Variants in APP observed in about 807,000 individuals in gnomAD.
APP encodes amyloid-beta precursor protein.
Under a neutral mutation model 101.4 loss-of-function variants are expected in APP, and 31 were observed. That is an observed-to-expected ratio of 0.31 (90% confidence interval 0.23 to 0.41). The LOEUF is 0.41. APP is among the 10% of genes least tolerant of loss of function. The pLI is 1.00. For missense variants in APP, 839 were observed against 1,003.7 expected, an observed-to-expected ratio of 0.84 and a Z score of 2.22; for synonymous variants, 366 against 364.4, an observed-to-expected ratio of 1.00 and a Z score of -0.05.
At chr21:26,032,419 G>A (rs954097239) in intron 5 of APP, among the ~76,000 whole-genome samples, 5 of 152,130 alleles carry the variant, frequency 3.3e-5, no homozygotes, top group African/African-American at 1.2e-4. Flanking sequence ...TAGAGAGAAG[G>A]TCTAGTGTGG....
chr21:25,979,813 T>TA (rs56312835), intron 9 of APP, among the ~76,000 whole-genome samples: 19 of 151,380 alleles, frequency 1.3e-4, no homozygotes, highest in Admixed American at 2.0e-4. Flanking sequence ...AAACACACAT[T>TA]AAAAAAAATG....
At chr21:25,986,516 C>T (rs1446744320) in intron 8 of APP, among the ~76,000 whole-genome samples, 1 of 152,000 alleles carries the variant, frequency 6.6e-6, no homozygotes, top group African/African-American at 2.4e-5. Flanking sequence ...CATGGAGAAA[C>T]CCCGTCTCTA....
rs531247790 is a variant in APP at position 26,131,270 on chromosome 21, T to A, written c.58-19124A>T. On this transcript the variant is annotated intron_variant, in intron 1 of 17. Transcript: ENST00000346798. ...AAATAAATAAATTAATTAATTAATT[T>A]AAAAAAAAAGGTCTGTTGTCAATGA... Among the ~76,000 whole-genome samples the A allele has an allele frequency of 9.3e-5, 14 of 150,954 alleles. No individual in the cohort carries two copies. In the South Asian group the frequency reaches 2.5e-3, roughly 27 times the overall value.
At chr21:25,947,416 T>G (rs1165339102) in intron 13 of APP, among the ~76,000 whole-genome samples, 2 of 152,222 alleles carry the variant, frequency 1.3e-5, no homozygotes, top group Middle Eastern at 3.2e-3. Context: ...ATTTGTATCT[T>G]GCTGTGTGGA....
chr21:25,889,286 A>AGT (rs1304207535), intron 17 of APP, among the ~76,000 whole-genome samples: 4 of 152,186 alleles, frequency 2.6e-5, no homozygotes, highest in African/African-American at 9.7e-5. Flanking sequence ...AGAAAAACAG[A>AGT]GTGAAGGTCA....
At chr21:25,901,137 A>G (rs2038439537) in intron 15 of APP, among the ~76,000 whole-genome samples, 2 of 152,102 alleles carry the variant, frequency 1.3e-5, no homozygotes. Flanking sequence ...GTCTCTACTA[A>G]AAATACAAAA....
At chr21:26,146,098 C>A (rs1400816526) in intron 1 of APP, among the ~76,000 whole-genome samples, 1 of 152,194 alleles carries the variant, frequency 6.6e-6, no homozygotes, top group African/African-American at 2.4e-5. Flanking sequence ...GCGGCTCATG[C>A]CTGCAGTGGG....
chr21:26,020,121 C>G (rs1034575418), intron 6 of APP, among the ~76,000 whole-genome samples: 1 of 151,948 alleles, frequency 6.6e-6, no homozygotes, highest in African/African-American at 2.4e-5. Context: ...ATTTTAAAAG[C>G]TCAAGTTAAA....
intron 1 of APP, 30 bp from the exon 2 acceptor site, chr21:26,112,176 T>C (rs749729799): frequency 1.1e-5 from 17 of 1,610,368 alleles, no homozygotes; most frequent in African/African-American, 6.7e-5. Context: ...TTAGTTATAG[T>C]ATCCATAGCT....
intron 3 of APP, among the ~76,000 whole-genome samples, chr21:26,083,335 G>GTGA (rs1347530548): frequency 6.6e-6 from 1 of 152,210 alleles, no homozygotes; most frequent in African/African-American, 2.4e-5. Flanking sequence ...AGTGTCTGGT[G>GTGA]TGATGCTACA....
intron 1 of APP, among the ~76,000 whole-genome samples, chr21:26,133,561 G>A (rs1324465437): frequency 6.6e-6 from 1 of 151,986 alleles, no homozygotes; most frequent in Non-Finnish European, 1.5e-5. Context: ...CGAGGCGGGT[G>A]GGATCATGAG....
intron 1 of APP, among the ~76,000 whole-genome samples, chr21:26,166,906 A>AGAGAGAGAGAGAGAGAGAG (rs1569055925): frequency 2.6e-5 from 1 of 38,114 alleles, no homozygotes; most frequent in African/African-American, 9.0e-5. Context: ...GAGAGAGAGA[A>AGAGAGAGAGAGAGAGAGAG]AGAGAGAGAA....
intron 16 of APP, among the ~76,000 whole-genome samples, chr21:25,892,976 G>A (rs1000486591): frequency 6.7e-6 from 1 of 149,856 alleles, no homozygotes; most frequent in African/African-American, 2.5e-5. Flanking sequence ...AAGGTTTCTG[G>A]TAACCCTGCA....
chr21:26,124,800 C>A (rs2062647725), intron 1 of APP, among the ~76,000 whole-genome samples: 1 of 152,220 alleles, frequency 6.6e-6, no homozygotes, highest in Non-Finnish European at 1.5e-5. Context: ...CTGTTTGAGT[C>A]CTAGGTTAAG....
intron 1 of APP, among the ~76,000 whole-genome samples, chr21:26,115,123 GTGA>G (rs1314024649): frequency 6.6e-6 from 1 of 152,136 alleles, no homozygotes; most frequent in African/African-American, 2.4e-5. Flanking sequence ...TTGGAGAATC[GTGA>G]TGATTAACAT....
chr21:26,160,261 T>C (rs2063464146), intron 1 of APP, among the ~76,000 whole-genome samples: 1 of 152,164 alleles, frequency 6.6e-6, no homozygotes, highest in Non-Finnish European at 1.5e-5. Flanking sequence ...CCCTCCACAA[T>C]TCAACTAGCA....
rs908604762 is a variant in APP, at chr21:25,897,903, G to A, written c.1964-230C>T. 2.2e-5 allele frequency: 12 copies of A among 553,428 alleles called. 1 individual carries two copies. Among genetic ancestry groups the A allele is most frequent in the Non-Finnish European group, 3.8e-5 (12 of 311,872 alleles). The allele number at this position is 553,428 out of a possible 1,614,324, so 34.3% of individuals were successfully genotyped here. A position where few individuals can be genotyped will look rare whatever the true frequency, so the allele number is the denominator to read the frequency against. ...AGGGAAACCTGAAAGTAAGGCTTCT[G>A]CTGCCTTTAAATACATGCTATAATT... On this transcript the variant is annotated intron_variant, in intron 15 of 17. Coordinates refer to ENST00000346798, the MANE Select transcript of APP (RefSeq NM_000484.4).
chr21:25,882,947 C>A (rs1240119654), intron 17 of APP, among the ~76,000 whole-genome samples: 3 of 152,092 alleles, frequency 2.0e-5, no homozygotes, highest in Non-Finnish European at 4.4e-5. Flanking sequence ...CCCTACACAC[C>A]CCATCTGGCA....
At chr21:26,085,251 C>T (rs571578706) in intron 3 of APP, among the ~76,000 whole-genome samples, 312 of 152,260 alleles carry the variant, frequency 2.0e-3, no homozygotes, top group Non-Finnish European at 3.6e-3. Flanking sequence ...ATTAGCCTTT[C>T]CTGATGAAGA....
Sources: gnomAD v4.1 joint callset for allele counts (sites outside exome capture counted in the v4.1 genomes callset) on GRCh38, gnomAD v4.1.1 for gene constraint, MANE v1.5 for transcripts, NCBI Gene and HGNC (gene_info 2026-07-23, HGNC 2026-07-21) for gene names.